The following ARHGEF3 variants were observed in gnomAD, a reference collection of about 807,000 sequenced individuals.
ARHGEF3 encodes 59.8 kDA protein.
ARHGEF3 carries 28 observed loss-of-function variants against 63.2 expected under a neutral mutation model. That is an observed-to-expected ratio of 0.44 (90% CI 0.33 to 0.61). The LOEUF (loss-of-function observed/expected upper bound fraction) is 0.61, where lower values mean the gene tolerates loss of function less well. Among genes scored for constraint, ARHGEF3 ranks in the 20% least tolerant of loss-of-function variants. The pLI is 0.03. For missense variants in ARHGEF3, 533 were observed against 659.3 expected (o/e 0.81, Z 2.10); for synonymous variants, 266 against 254.2 (o/e 1.05, Z -0.44).
chr3:57,007,182 A>G (rs1702501246), intron 2 of ARHGEF3: 1 of 1,279,952 alleles, frequency 7.8e-7, no homozygotes, highest in Non-Finnish European at 1.0e-6. Flanking sequence ...GCTGACTCAC[A>G]TGAATTCTCA....
intron 4 of ARHGEF3, among the ~76,000 whole-genome samples, chr3:56,823,603 T>C (rs2038599490): frequency 6.6e-6 from 1 of 151,918 alleles, no homozygotes; most frequent in Non-Finnish European, 1.5e-5. Flanking sequence ...AGATGGGAGG[T>C]TATCTTGATT....
intron 1 of ARHGEF3, among the ~76,000 whole-genome samples, chr3:57,056,475 T>C (rs1305863198): frequency 6.9e-6 from 1 of 145,298 alleles, no homozygotes; most frequent in Non-Finnish European, 1.5e-5. Context: ...AAACTAGATA[T>C]GGGAGGGAGC....
chr3:56,916,739 G>A (rs530073301), intron 3 of ARHGEF3, among the ~76,000 whole-genome samples: 94 of 152,314 alleles, frequency 6.2e-4, no homozygotes, highest in African/African-American at 2.2e-3. Flanking sequence ...AAACACTGGG[G>A]TGAAATAGAA....
intron 4 of ARHGEF3, among the ~76,000 whole-genome samples, chr3:56,820,906 A>G (rs1039095263): frequency 4.6e-5 from 7 of 151,740 alleles, no homozygotes; most frequent in Non-Finnish European, 1.0e-4. Context: ...TAATCCCAGC[A>G]CTTTGGGAGG....
intron 3 of ARHGEF3, among the ~76,000 whole-genome samples, chr3:56,907,491 A>G (rs1374841723): frequency 6.6e-6 from 1 of 152,226 alleles, no homozygotes; most frequent in Non-Finnish European, 1.5e-5. Context: ...CAGAAATATC[A>G]TTCAACCCAG....
At chr3:56,799,449 A>G (rs1391396347) in intron 1 of ARHGEF3, among the ~76,000 whole-genome samples, 1 of 152,188 alleles carries the variant, frequency 6.6e-6, no homozygotes, top group African/African-American at 2.4e-5. Context: ...CTCTGGATAG[A>G]TCTATTTTTC....
rs1239113895 is a variant in ARHGEF3 at position 56,992,024 on chromosome 3, C to CTCTCTGTG, written c.63-33136_63-33135insCACAGAGA. Among the ~76,000 whole-genome samples, 658 of 131,694 alleles carry CTCTCTGTG rather than the reference C, an allele frequency of 5.0e-3. 14 individuals are homozygous for CTCTCTGTG. The highest frequency in any genetic ancestry group is 0.018 in the African/African-American group (616 of 34,428). The allele number at this position is 131,694 out of a possible 152,430, so 86.4% of individuals were successfully genotyped here. On this transcript the variant is annotated intron_variant, in intron 2 of 12. Transcript: ENST00000338458. Reference sequence around the variant, plus strand: ...TCTCACTCTCTCTCCCCTCCTCTCTCTGTGTGTGTGTGTGTGTGTGTGTGT... The same window carrying CTCTCTGTG: ...TCTCACTCTCTCTCCCCTCCTCTCTCTCTCTGTGTGTGTGTGTGTGTGTGTGTGTGTGT...
intron 2 of ARHGEF3, chr3:56,958,962 A>C: frequency 6.9e-7 from 1 of 1,440,860 alleles, no homozygotes; most frequent in Non-Finnish European, 9.6e-7. Flanking sequence ...TTTCAAATGC[A>C]GGTTTATCAA....
intron 1 of ARHGEF3, among the ~76,000 whole-genome samples, chr3:56,786,592 T>A (rs1278132586): frequency 6.6e-6 from 1 of 152,228 alleles, no homozygotes; most frequent in East Asian, 1.9e-4. Context: ...TAACAAACAC[T>A]GGCTCTCAGT....
intron 4 of ARHGEF3, among the ~76,000 whole-genome samples, chr3:56,844,812 A>G (rs1344552607): frequency 2.0e-5 from 3 of 152,162 alleles, no homozygotes; most frequent in Admixed American, 1.3e-4. Flanking sequence ...GCCTCTTAAG[A>G]TGTCCCCCAT....
Position 57,060,189 on chromosome 3 carries a change from T to G in ARHGEF3, c.-28+19037A>C, listed in dbSNP as rs114700437. Among the ~76,000 whole-genome samples the G allele has an allele frequency of 7.5e-3, 1,130 of 151,254 alleles. 14 individuals carry two copies. The highest frequency in any genetic ancestry group is 0.026 in the African/African-American group (1,066 of 41,170). On this transcript the variant is annotated intron_variant, in intron 1 of 12. Transcript: ENST00000338458. ...TTTAAAATTAGCTGGGTGTGTGACATGTACCTACAGTCCCTGTGGGAGGAT... is the reference window on the plus strand; with the variant it reads ...TTTAAAATTAGCTGGGTGTGTGACAGGTACCTACAGTCCCTGTGGGAGGAT...
upstream of ARHGEF3, among the ~76,000 whole-genome samples, chr3:56,802,150 G>A (rs1403058962): frequency 1.3e-5 from 2 of 152,198 alleles, no homozygotes; most frequent in Admixed American, 1.3e-4. Flanking sequence ...ATTCGACTCC[G>A]GGCGCCCCCG....
chr3:56,947,035 G>T (rs1390145993), intron 3 of ARHGEF3, among the ~76,000 whole-genome samples: 5 of 152,136 alleles, frequency 3.3e-5, no homozygotes, highest in African/African-American at 1.2e-4. Flanking sequence ...CTAAGCTTCA[G>T]AAGTGAAGGA....
chr3:56,776,818 A>G (rs1308532680), intron 1 of ARHGEF3, among the ~76,000 whole-genome samples: 1 of 152,192 alleles, frequency 6.6e-6, no homozygotes, highest in Non-Finnish European at 1.5e-5. Context: ...AAGCTGGGCA[A>G]GGTCAATGCT....
intron 2 of ARHGEF3, among the ~76,000 whole-genome samples, chr3:56,968,756 T>C (rs909650819): frequency 1.3e-5 from 2 of 152,206 alleles, no homozygotes; most frequent in Non-Finnish European, 2.9e-5. Context: ...AGAGATACTT[T>C]ATTTTTTTTC....
chr3:56,795,516 C>A (rs1250714248), intron 1 of ARHGEF3, among the ~76,000 whole-genome samples: 1 of 152,174 alleles, frequency 6.6e-6, no homozygotes, highest in East Asian at 1.9e-4. Flanking sequence ...ATCAGGGCTA[C>A]CTTCTCTCAA....
intron 8 of ARHGEF3, among the ~76,000 whole-genome samples, chr3:56,736,027 G>A (rs1329075126): frequency 6.7e-6 from 1 of 149,202 alleles, no homozygotes; most frequent in Non-Finnish European, 1.5e-5. Context: ...TCTCCCAATG[G>A]CTATCTCAAC....
At chr3:56,946,325 A>G (rs1297006676) in intron 3 of ARHGEF3, among the ~76,000 whole-genome samples, 1 of 152,022 alleles carries the variant, frequency 6.6e-6, no homozygotes, top group African/African-American at 2.4e-5. Flanking sequence ...AGATCAAACT[A>G]CTCCAAACTA....
At chr3:56,981,922 C>T (rs1701342441) in intron 2 of ARHGEF3, among the ~76,000 whole-genome samples, 1 of 152,202 alleles carries the variant, frequency 6.6e-6, no homozygotes, top group Non-Finnish European at 1.5e-5. Flanking sequence ...CCCTTTGGGA[C>T]ACTGTGATTC....
Sources: gnomAD v4.1 joint callset for allele counts (sites outside exome capture counted in the v4.1 genomes callset) on GRCh38, gnomAD v4.1.1 for gene constraint, MANE v1.5 for transcripts, NCBI Gene and HGNC (gene_info 2026-07-23, HGNC 2026-07-21) for gene names.